ZNF90: variants seen among roughly 807,000 people sequenced by gnomAD.
The protein encoded by ZNF90 is zinc finger protein 90.
ZNF90 carries 11 observed loss-of-function variants against 12.0 expected under a neutral mutation model. That is an observed-to-expected ratio of 0.92 (90% CI 0.58 to 1.52). The LOEUF (loss-of-function observed/expected upper bound fraction) is 1.52, where lower values mean the gene tolerates loss of function less well. Ranked by LOEUF, ZNF90 falls within the 40% of genes most tolerant of loss-of-function variation. The probability of loss-of-function intolerance (pLI) is 0.00; values close to 1 mark genes in which losing one functional copy is unlikely to be tolerated. For synonymous variants in ZNF90, 232 were observed against 240.1 expected, an observed-to-expected ratio of 0.97 and a Z score of 0.31; for missense variants, 765 against 711.5, an observed-to-expected ratio of 1.08 and a Z score of -0.86.
chr19:20,080,217 C>T, intron 1 of ZNF90: 9 of 574,778 alleles, frequency 1.6e-5, no homozygotes, highest in South Asian at 1.1e-4. Context: ...ACCGTCCTGA[C>T]GGTGTGCTGT....
intron 1 of ZNF90, among the ~76,000 whole-genome samples, chr19:20,091,249 A>G (rs556332585): frequency 6.6e-6 from 1 of 151,990 alleles, no homozygotes; most frequent in East Asian, 1.9e-4. Context: ...TAGGGAAGGG[A>G]GGGGGCCTGA....
At chr19:20,111,652 T>A (rs1390201118) in intron 3 of ZNF90, among the ~76,000 whole-genome samples, 5 of 152,194 alleles carry the variant, frequency 3.3e-5, no homozygotes, top group Non-Finnish European at 5.9e-5. Context: ...TGTACTGGTA[T>A]GCTTTATTTT....
At chr19:20,095,691 A>G (rs1229185861) in intron 1 of ZNF90, among the ~76,000 whole-genome samples, 5 of 152,064 alleles carry the variant, frequency 3.3e-5, no homozygotes, top group East Asian at 1.9e-4. Flanking sequence ...GAGATAAGAG[A>G]TAAGAGATTG....
chr19:20,081,476 C>T (rs991710599), intron 1 of ZNF90, among the ~76,000 whole-genome samples: 10 of 152,188 alleles, frequency 6.6e-5, no homozygotes, highest in African/African-American at 2.2e-4. Flanking sequence ...CATAAGCCAT[C>T]GCACCCAGCC....
chr19:20,113,400 T>G (rs2089107501), intron 3 of ZNF90, among the ~76,000 whole-genome samples: 1 of 152,064 alleles, frequency 6.6e-6, no homozygotes, highest in African/African-American at 2.4e-5. Flanking sequence ...ACTATGTTGG[T>G]CAGGCTGGTC....
At chr19:20,115,004 A>G (rs1219663693) in intron 3 of ZNF90, among the ~76,000 whole-genome samples, 1 of 152,194 alleles carries the variant, frequency 6.6e-6, no homozygotes, top group Non-Finnish European at 1.5e-5. Context: ...CAAATTTGTC[A>G]TAGGTCCCCA....
In ZNF90 at chr19:20,118,582, G is replaced by A; in HGVS notation, c.1028G>A (p.Cys343Tyr). Residue 343 changes from cysteine to tyrosine, a missense_variant, in exon 4 of 4, where the codon TGT (cysteine) becomes TAT (tyrosine). Physicochemically the swap from Cys to Tyr is radical, Grantham distance 194 (BLOSUM62 -2). Transcript: ENST00000418063. ...RIHTGEKPYK[C>Y]EECGKAFRRS... ...CATACTGGAGAGAAACCCTACAAAT[G>A]TGAAGAATGTGGCAAAGCCTTCAGG... 6 of 1,612,896 alleles carry A rather than the reference G, an allele frequency of 3.7e-6. No homozygotes were observed. Among genetic ancestry groups the A allele is most frequent in the Non-Finnish European group, 4.2e-6 (5 of 1,179,798 alleles).
intron 3 of ZNF90, among the ~76,000 whole-genome samples, chr19:20,109,621 C>G (rs960018335): frequency 6.6e-6 from 1 of 151,776 alleles, no homozygotes; most frequent in East Asian, 1.9e-4. Context: ...CGTCTGTAAT[C>G]CCAGGACTTC....
intron 1 of ZNF90, among the ~76,000 whole-genome samples, chr19:20,100,043 G>T (rs1222006000): frequency 1.3e-5 from 2 of 152,140 alleles, no homozygotes; most frequent in African/African-American, 4.8e-5. Flanking sequence ...AGAGCTGCAA[G>T]GTGGGACCCT....
At chr19:20,088,960 G>A (rs1245737182) in intron 1 of ZNF90, among the ~76,000 whole-genome samples, 4 of 152,136 alleles carry the variant, frequency 2.6e-5, no homozygotes, top group Admixed American at 2.0e-4. Context: ...ATTGAATTTT[G>A]GGGGTAAGGA....
chr19:20,083,785 T>C (rs908868037), intron 1 of ZNF90, among the ~76,000 whole-genome samples: 14 of 152,246 alleles, frequency 9.2e-5, no homozygotes, highest in South Asian at 2.1e-4. Context: ...GTCTTACTTA[T>C]TGTTCAGGCT....
chr19:20,110,799 C>T (rs935309093), intron 3 of ZNF90, among the ~76,000 whole-genome samples: 1 of 151,898 alleles, frequency 6.6e-6, no homozygotes, highest in Admixed American at 6.6e-5. Flanking sequence ...GTTTTTTGTG[C>T]CCTTTCAAAT....
intron 1 of ZNF90, chr19:20,087,183 GT>G (rs2088866062): frequency 6.6e-6 from 1 of 152,158 alleles, no homozygotes; most frequent in Non-Finnish European, 1.5e-5. Context: ...TGCACTTTGG[GT>G]GTTTAGAGAG....
In ZNF90 at chr19:20,078,639, C is replaced by T. The variant is rs537723441; in HGVS notation, c.3+504C>T. Among the ~76,000 whole-genome samples, 22 of 151,744 alleles carry T rather than the reference C, an allele frequency of 1.4e-4. No homozygotes were observed. The East Asian group carries it at 3.7e-3, about 25-fold the overall frequency. On this transcript the variant is annotated intron_variant, in intron 1 of 3. Coordinates refer to ENST00000418063, the MANE Select transcript of ZNF90 (RefSeq NM_007138.2). ...ACGTAGTTCTTCTTCAAAGACGCAA[C>T]TTCCTGGTCATAAGTTGGAAAAGTT...
Position 20,118,836 on chromosome 19 carries a change from C to A in ZNF90, c.1282C>A (p.Gln428Lys), listed in dbSNP as rs782047865. The change falls in exon 4 of 4, where the codon CAA becomes AAA. Residue 428 changes from glutamine (Q) to lysine (K), a missense_variant. Physicochemically the swap from Gln to Lys is moderately conservative, Grantham distance 53. Coordinates refer to ENST00000418063, the MANE Select transcript of ZNF90 (RefSeq NM_007138.2). ...TACTGAAGAGAAACCCTACAAATGT[C>A]AAGAATGTGACAAAGTCTTCAAACG... ...SHTEEKPYKC[Q>K]ECDKVFKRSS... 6.2e-7 allele frequency: 1 copy of A among 1,600,524 alleles called. No individual in the cohort carries two copies. The highest frequency in any genetic ancestry group is 2.3e-5 in the East Asian group (1 of 43,934).
At chr19:20,090,804 G>C (rs1355489561) in intron 1 of ZNF90, among the ~76,000 whole-genome samples, 2 of 152,208 alleles carry the variant, frequency 1.3e-5, no homozygotes, top group African/African-American at 4.8e-5. Flanking sequence ...GTAGCATCTC[G>C]AGGACAGGCT....
At chr19:20,090,785 C>T (rs1555702652) in intron 1 of ZNF90, among the ~76,000 whole-genome samples, 1 of 152,178 alleles carries the variant, frequency 6.6e-6, no homozygotes, top group Non-Finnish European at 1.5e-5. Context: ...TTCAAATGGA[C>T]TGTACCCTGT....
chr19:20,094,476 C>G (rs1381002917), intron 1 of ZNF90, among the ~76,000 whole-genome samples: 1 of 152,178 alleles, frequency 6.6e-6, no homozygotes, highest in African/African-American at 2.4e-5. Context: ...TGGGTAGTTT[C>G]TTTAAGTTTG....
chr19:20,102,546 A>T (rs1340567164), intron 1 of ZNF90, among the ~76,000 whole-genome samples: 5 of 152,146 alleles, frequency 3.3e-5, no homozygotes, highest in African/African-American at 1.2e-4. Flanking sequence ...TGTGAGACAC[A>T]CCCTTCTATA....
Sources: allele counts gnomAD v4.1 joint callset (sites outside exome capture counted in the v4.1 genomes callset), GRCh38; gene constraint gnomAD v4.1.1; transcripts MANE v1.5; gene names NCBI Gene and HGNC (gene_info 2026-07-23, HGNC 2026-07-21).